The following GTPBP4 variants were observed in gnomAD, a reference collection of about 807,000 sequenced individuals.
GTPBP4 encodes GTP-binding protein 4.
In GTPBP4, 15 loss-of-function variants were observed where a neutral mutation model predicts 81.7. The ratio of observed to expected loss-of-function variants is 0.18; its 90% CI spans 0.12 to 0.28. The LOEUF is 0.28. GTPBP4 is among the 10% of genes least tolerant of loss of function. The pLI is 1.00. For missense variants in GTPBP4, 847 were observed against 793.8 expected (o/e 1.07, Z -0.81); for synonymous variants, 272 against 274.6 (o/e 0.99, Z 0.09).
chr10:1,013,262 G>A (rs986321863), intron 14 of GTPBP4, among the ~76,000 whole-genome samples: 1 of 151,784 alleles, frequency 6.6e-6, no homozygotes, highest in Non-Finnish European at 1.5e-5. Context: ...GAGATTACAG[G>A]CGTGAGCCAC....
rs2794649 is a variant in GTPBP4 at position 989,672 on chromosome 10, C to T, written c.48+1145C>T. The stretch of plus-strand genomic sequence containing the variant: ...ACCTTCATAGCAAAAGTTGTTTCCC[C>T]ACTTCTCTCCACCATTTCTTATTTC... On this transcript the variant is annotated intron_variant, in intron 1 of 16. Transcript: ENST00000360803. 4.4e-3 allele frequency among the ~76,000 whole-genome samples: 665 copies of T among 152,308 alleles called. 6 individuals are homozygous for T. Among genetic ancestry groups the T allele is most frequent in the African/African-American group, 0.015 (633 of 41,554 alleles).
rs1252738430 is a variant in GTPBP4 at position 1,009,013 on chromosome 10, C to T, written c.1169C>T (p.Thr390Ile). The change falls in exon 11 of 17, where the codon ACT becomes ATT. Residue 390 changes from threonine to isoleucine, a missense_variant. Physicochemically the swap from Thr to Ile is moderately conservative, Grantham distance 89 (BLOSUM62 -1). This residue lies in a region of GTPBP4 where 600 missense variants were observed against 557.1 expected (regional missense o/e 1.08). Coordinates refer to ENST00000360803, the MANE Select transcript of GTPBP4 (RefSeq NM_012341.3). ...GTGGCTCGCAGGAAGAGGATGGAAA[C>T]TGAGGAGTCCAGGAAGAAGAGGGTA... Reference protein sequence around the residue: ...GVVARRKRMETEESRKKRERD... With the variant: ...GVVARRKRMEIEESRKKRERD... The T allele has an allele frequency of 2.5e-6, 4 of 1,611,890 alleles. No homozygotes were observed. In the Admixed American group the frequency reaches 6.7e-5, roughly 27 times the overall value.
Position 1,015,798 on chromosome 10 carries a change from A to C in GTPBP4, c.1654A>C (p.Lys552Gln), listed in dbSNP as rs1287047704. 1 of 1,613,992 alleles carries C rather than the reference A, an allele frequency of 6.2e-7. No homozygotes were observed. Among genetic ancestry groups the C allele is most frequent in the Non-Finnish European group, 8.5e-7 (1 of 1,179,952 alleles). The change falls in exon 16 of 17, where the codon AAA becomes CAA. Residue 552 changes from lysine (K) to glutamine (Q), a missense_variant. Physicochemically the swap from Lys to Gln is moderately conservative, Grantham distance 53 (BLOSUM62 1). Transcript: ENST00000360803. Reference sequence around the variant, plus strand: ...AAGAAGATCCCGGAGCATCACTAGGAAAAGAAAGCGGGAAGACTCTGCTCC... The same window carrying C: ...AAGAAGATCCCGGAGCATCACTAGGCAAAGAAAGCGGGAAGACTCTGCTCC... Reference protein sequence around the residue: ...QARRSRSITRKRKREDSAPPS... With the variant: ...QARRSRSITRQRKREDSAPPS...
chr10:1,001,920 A>ATT (rs1410951100), intron 8 of GTPBP4, among the ~76,000 whole-genome samples: 68 of 132,038 alleles, frequency 5.2e-4, no homozygotes, highest in African/African-American at 1.9e-3. Flanking sequence ...TTTTTTTTTT[A>ATT]TTTTATTTTT....
chr10:996,321 G>C, intron 4 of GTPBP4, 79 bp downstream of exon 4: 1 of 1,285,164 alleles, frequency 7.8e-7, no homozygotes, highest in East Asian at 2.4e-5. Flanking sequence ...TGAGATGTCT[G>C]TTTTTCTTGT....
chr10:1,006,381 G>A (rs976767213), intron 9 of GTPBP4, among the ~76,000 whole-genome samples: 1 of 152,210 alleles, frequency 6.6e-6, no homozygotes, highest in Non-Finnish European at 1.5e-5. Context: ...GCTCACGCCT[G>A]TAATCCCAGC....
intron 5 of GTPBP4, 116 bp from the exon 6 acceptor site, chr10:998,887 C>T (rs1589025099): frequency 4.4e-6 from 3 of 678,546 alleles, no homozygotes; most frequent in East Asian, 2.7e-5. Context: ...GCAGTTTTAT[C>T]GTGTGAGGTT....
At position 1,019,721 on chromosome 10, in the gene GTPBP4, A is replaced by C; in HGVS notation, c.*2494A>C. 4.3e-6 allele frequency: 7 copies of C among 1,613,928 alleles called. No homozygotes were observed. Among genetic ancestry groups the C allele is most frequent in the Non-Finnish European group, 5.9e-6 (7 of 1,180,012 alleles). On this transcript the variant is annotated 3_prime_UTR_variant, in exon 17 of 17. Coordinates refer to ENST00000360803, the MANE Select transcript of GTPBP4 (RefSeq NM_012341.3). ...TCGTTTCACTGGGATCCGGGTTCAG[A>C]GTGACGTTTTTCCTCACAAGCAGAA...
At chr10:1,007,151 C>G (rs754745424) in intron 10 of GTPBP4, 23 bp downstream of exon 10, 2 of 1,310,356 alleles carry the variant, frequency 1.5e-6, no homozygotes, top group Admixed American at 1.7e-5. Flanking sequence ...CTGGGACAGC[C>G]GTGGGCTCAC....
intron 12 of GTPBP4, 83 bp downstream of exon 12, chr10:1,009,663 G>C (rs1225072493): frequency 1.2e-6 from 1 of 837,904 alleles, no homozygotes; most frequent in Non-Finnish European, 2.1e-6. Flanking sequence ...ACTTTAATAA[G>C]TAATAAAAGT....
chr10:1,015,960 A>G (rs926197574), intron 16 of GTPBP4, 64 bp downstream of exon 16: 1 of 1,418,386 alleles, frequency 7.1e-7, no homozygotes, highest in Middle Eastern at 1.8e-4. Context: ...CACAGGGTTC[A>G]GGGCAAACAC....
At chr10:993,300 T>G (rs1242320023) in intron 2 of GTPBP4, among the ~76,000 whole-genome samples, 1 of 152,234 alleles carries the variant, frequency 6.6e-6, no homozygotes, top group Non-Finnish European at 1.5e-5. Context: ...TTGCCCAGGC[T>G]GGAGTGCAGT....
rs1023403344 is a variant in GTPBP4 at position 1,018,422 on chromosome 10, T to TGA, written c.*1196_*1197dup. ...CTGGGTGACAGAGAGAGACTCCGTG[T>TGA]GAAAAAAAAAAAAAAAATACCAGGT... is the stretch of plus-strand genomic sequence containing the variant. On this transcript the variant is annotated 3_prime_UTR_variant, in exon 17 of 17. Coordinates refer to ENST00000360803, the MANE Select transcript of GTPBP4 (RefSeq NM_012341.3). 2 of 139,606 alleles carry TGA rather than the reference T, an allele frequency of 1.4e-5. No homozygotes were observed. The highest frequency in any genetic ancestry group is 5.8e-5 in the African/African-American group (2 of 34,656). 8.6% of individuals were successfully genotyped at this position (139,606 alleles called of 1,614,324 possible). A position where few individuals can be genotyped will look rare whatever the true frequency, so the allele number is the denominator to read the frequency against.
intron 13 of GTPBP4, among the ~76,000 whole-genome samples, chr10:1,011,086 GTGCCTCC>G (rs1831858354): frequency 1.4e-5 from 1 of 74,026 alleles, no homozygotes; most frequent in Non-Finnish European, 2.6e-5. Context: ...CATCCTGACT[GTGCCTCC>G]TGCACCTCTT....
intron 11 of GTPBP4, among the ~76,000 whole-genome samples, 174 bp downstream of exon 11, chr10:1,009,209 G>T (rs1831806536): frequency 6.6e-6 from 1 of 152,174 alleles, no homozygotes; most frequent in African/African-American, 2.4e-5. Context: ...GGGGCTCTTT[G>T]GCCTGAGGGA....
chr10:995,248 A>G (rs1831517867), intron 2 of GTPBP4, among the ~76,000 whole-genome samples: 1 of 152,132 alleles, frequency 6.6e-6, no homozygotes, highest in African/African-American at 2.4e-5. Flanking sequence ...TTTGGGGTAG[A>G]GCTGTGAGCA....
At chr10:990,852 A>G (rs1831429061) in intron 1 of GTPBP4, among the ~76,000 whole-genome samples, 2 of 150,900 alleles carry the variant, frequency 1.3e-5, no homozygotes, top group African/African-American at 4.9e-5. Context: ...AGCTGTGGTA[A>G]GTTGGAGAGT....
intron 2 of GTPBP4, among the ~76,000 whole-genome samples, chr10:994,799 G>T (rs117318029): frequency 6.6e-6 from 1 of 152,292 alleles, no homozygotes; most frequent in Non-Finnish European, 1.5e-5. Flanking sequence ...CAGAGTGGAG[G>T]GTTAGATATT....
Position 1,015,878 on chromosome 10 carries a change from T to C in GTPBP4, c.1734T>C (p.Ser578=). Residue 578 remains serine (S), a synonymous_variant, in exon 16 of 17, where the codon TCT becomes TCC. Coordinates refer to ENST00000360803, the MANE Select transcript of GTPBP4 (RefSeq NM_012341.3). ...GCTCTCGAACTCCACGTGACGTTTC[T>C]GGTCTTAGGGATGTCAAGGTCAGTC... ...GSCSRTPRDV[S]GLRDVKMVKK... is the part of the protein sequence containing the mutation. The C allele has an allele frequency of 1.2e-6, 2 of 1,613,406 alleles. No homozygotes were observed. Among genetic ancestry groups the C allele is most frequent in the Non-Finnish European group, 1.7e-6 (2 of 1,179,530 alleles).
Sources: allele counts gnomAD v4.1 joint callset (sites outside exome capture counted in the v4.1 genomes callset), GRCh38; gene constraint gnomAD v4.1.1; regional missense constraint gnomAD v4.1.1; transcripts MANE v1.5; gene names NCBI Gene and HGNC (gene_info 2026-07-23, HGNC 2026-07-21).